Variants in BZW1 observed in about 807,000 individuals in gnomAD.
The protein encoded by BZW1 is basic leucine zipper and W2 domains 1.
BZW1 carries 3 observed loss-of-function variants against 54.1 expected under a neutral mutation model. The ratio of observed to expected loss-of-function variants is 0.06; its 90% CI spans 0.03 to 0.14. BZW1 has a LOEUF of 0.14. BZW1 is among the 10% of genes least tolerant of loss of function. The probability of loss-of-function intolerance (pLI) is 1.00; values close to 1 mark genes in which losing one functional copy is unlikely to be tolerated. For missense variants in BZW1, 206 were observed against 491.7 expected (o/e 0.42, Z 5.50); for synonymous variants, 152 against 162.7 (o/e 0.93, Z 0.50).
Position 200,817,093 on chromosome 2 carries a change from T to G in BZW1, c.403-13T>G, listed in dbSNP as rs1182348805. 1.2e-6 allele frequency: 2 copies of G among 1,612,740 alleles called. No individual in the cohort carries two copies. The highest frequency in any genetic ancestry group is 1.7e-6 in the Non-Finnish European group (2 of 1,179,484). ...GTTGCTGTTTTAACCCTTAATTGTT[T>G]TACTTTTTACAGCTGCTGCTGTTCT... On this transcript the variant is annotated splice_polypyrimidine_tract_variant and intron_variant, in intron 5 of 11. Coordinates refer to ENST00000409600, the MANE Select transcript of BZW1 (RefSeq NM_001207067.2).
intron 2 of BZW1, among the ~76,000 whole-genome samples, chr2:200,813,675 A>G (rs1014085530): frequency 6.6e-6 from 1 of 152,216 alleles, no homozygotes; most frequent in Non-Finnish European, 1.5e-5. Flanking sequence ...TGTGAGAGAA[A>G]ACTCAGACTT....
intron 8 of BZW1, 62 bp downstream of exon 8, chr2:200,818,455 T>C (rs1048238877): frequency 3.9e-6 from 6 of 1,524,418 alleles, no homozygotes; most frequent in Admixed American, 2.1e-5. Context: ...TTTTCACTAA[T>C]TTGAGGAACT....
At chr2:200,819,518 C>T (rs2038426666) in intron 9 of BZW1, among the ~76,000 whole-genome samples, 1 of 151,520 alleles carries the variant, frequency 6.6e-6, no homozygotes, top group African/African-American at 2.4e-5. Flanking sequence ...ACTTGGACTA[C>T]TTGGTATAGT....
chr2:200,817,108 G>C lies in BZW1; in HGVS notation c.405G>C (p.Leu135=), dbSNP rs771398213. ...EKGFEDEVKK[L]LLFLKGFSES... is the part of the protein sequence containing the mutation. The stretch of plus-strand genomic sequence containing the variant: ...CTTAATTGTTTTACTTTTTACAGCT[G>C]CTGCTGTTCTTGAAGGGTTTTTCAG... Residue 135 remains leucine, a splice_region_variant and synonymous_variant, in exon 6 of 12, where the codon CTG becomes CTC. Transcript: ENST00000409600. 1.2e-5 allele frequency: 20 copies of C among 1,613,530 alleles called. No homozygotes were observed. The highest frequency in any genetic ancestry group is 6.7e-5 in the Admixed American group (4 of 59,984).
At chr2:200,819,673 T>G (rs1053351313) in intron 9 of BZW1, among the ~76,000 whole-genome samples, 2 of 151,586 alleles carry the variant, frequency 1.3e-5, no homozygotes, top group African/African-American at 4.8e-5. Context: ...CAGTTCTGCC[T>G]CCTCGGCCTC....
At chr2:200,822,040 G>C in intron 11 of BZW1, 107 bp from the exon 12 acceptor site, 1 of 1,065,504 alleles carries the variant, frequency 9.4e-7, no homozygotes, top group Non-Finnish European at 1.4e-6. Context: ...CTGCATTCCG[G>C]CCTGTGGGAC....
At position 200,818,739 on chromosome 2, in the gene BZW1, T is replaced by C; in HGVS notation, c.820-16T>C. The C allele has an allele frequency of 1.3e-6, 2 of 1,572,994 alleles. No homozygotes were observed. The highest frequency in any genetic ancestry group is 8.6e-7 in the Non-Finnish European group (1 of 1,168,928). On this transcript the variant is annotated splice_polypyrimidine_tract_variant and intron_variant, in intron 8 of 11. Coordinates refer to ENST00000409600, the MANE Select transcript of BZW1 (RefSeq NM_001207067.2). ...TCAAAACTGACTTCTGTTACTAAAT[T>C]TGGATTCATTTGCAGATAATTTTAT...
chr2:200,816,059 G>T (rs2038275650), intron 4 of BZW1, among the ~76,000 whole-genome samples: 1 of 152,162 alleles, frequency 6.6e-6, no homozygotes, highest in African/African-American at 2.4e-5. Flanking sequence ...TAGTTTATCT[G>T]CATACATTTA....
At chr2:200,820,179 A>G in intron 10 of BZW1, 59 bp downstream of exon 10, 1 of 1,365,018 alleles carries the variant, frequency 7.3e-7, no homozygotes, top group Non-Finnish European at 9.8e-7. Flanking sequence ...TAAACACAAA[A>G]TTATCCAAAT....
chr2:200,816,525 CTG>C (rs1479824928), intron 5 of BZW1, 135 bp downstream of exon 5: 4 of 542,688 alleles, frequency 7.4e-6, no homozygotes, highest in Non-Finnish European at 1.2e-5. Flanking sequence ...GAGCCTCACT[CTG>C]TGTCCCAGGC....
intron 2 of BZW1, among the ~76,000 whole-genome samples, chr2:200,814,629 T>C (rs2038220125): frequency 6.6e-6 from 1 of 152,226 alleles, no homozygotes; most frequent in African/African-American, 2.4e-5. Context: ...GTACTATTCT[T>C]ATCCCCATTT....
In BZW1 at chr2:200,813,190, T is replaced by TTATTTCTCCTTTCC; in HGVS notation, c.-10-15_-10-2dup. 1 of 1,605,742 alleles carries TTATTTCTCCTTTCC rather than the reference T, an allele frequency of 6.2e-7. No individual in the cohort carries two copies. The highest frequency in any genetic ancestry group is 8.5e-7 in the Non-Finnish European group (1 of 1,173,476). ...GTATTATGGCACTGATATTAAGGCT[T>TTATTTCTCCTTTCC]TATTTCTCCTTTCCTAGGGTGTCTT... is the stretch of plus-strand genomic sequence containing the variant. On this transcript the variant is annotated splice_polypyrimidine_tract_variant and intron_variant, in intron 1 of 11. Transcript: ENST00000409600.
intron 1 of BZW1, chr2:200,812,240 GC>G: frequency 8.1e-7 from 1 of 1,229,462 alleles, no homozygotes; most frequent in Non-Finnish European, 1.0e-6. Flanking sequence ...GAAGGCAGTG[GC>G]CGAGGCGGGC....
At position 200,818,098 on chromosome 2, in the gene BZW1, T is replaced by C; in HGVS notation, c.648+15T>C. ...ACAGACTGATGGTTGGTAACTTTTT[T>C]TCATTCTTCCCATTCTTGCCAAGGA... On this transcript the variant is annotated intron_variant, in intron 7 of 11. Coordinates refer to ENST00000409600, the MANE Select transcript of BZW1 (RefSeq NM_001207067.2). The C allele has an allele frequency of 6.5e-7, 1 of 1,540,674 alleles. No homozygotes were observed. The highest frequency in any genetic ancestry group is 8.8e-7 in the Non-Finnish European group (1 of 1,139,712).
intron 11 of BZW1, among the ~76,000 whole-genome samples, chr2:200,821,582 AGAGACAG>A (rs2038515357): frequency 6.6e-6 from 1 of 151,858 alleles, no homozygotes; most frequent in Non-Finnish European, 1.5e-5. Context: ...TTAAAAATAT[AGAGACAG>A]AGTCTCACTA....
chr2:200,814,947 A>AT (rs955985663), intron 2 of BZW1, among the ~76,000 whole-genome samples: 13 of 152,174 alleles, frequency 8.5e-5, no homozygotes, highest in African/African-American at 2.9e-4. Context: ...GATTGGTTCA[A>AT]TTTTTTTGTT....
chr2:200,820,216 T>C, intron 10 of BZW1, 96 bp downstream of exon 10: 4 of 1,140,986 alleles, frequency 3.5e-6, no homozygotes, highest in Non-Finnish European at 3.6e-6. Flanking sequence ...ATCAGCTCCC[T>C]GAAATATTTT....
chr2:200,821,587 C>CA (rs2038515707), intron 11 of BZW1, among the ~76,000 whole-genome samples: 1 of 150,824 alleles, frequency 6.6e-6, no homozygotes, highest in South Asian at 2.1e-4. Flanking sequence ...AATATAGAGA[C>CA]AGAGTCTCAC....
chr2:200,818,891 A>G lies in BZW1; in HGVS notation c.956A>G (p.Lys319Arg). The G allele has an allele frequency of 6.3e-7, 1 of 1,587,430 alleles. No individual in the cohort carries two copies. Among genetic ancestry groups the G allele is most frequent in the Non-Finnish European group, 8.5e-7 (1 of 1,170,190 alleles). ...KEELVAEQAI[K>R]HLKQYSPLLA... Reference sequence around the variant, plus strand: ...GAGCTTGTAGCAGAGCAAGCCATCAAGCACTTGAAGGTATTAGAACTATGC... The same window carrying G: ...GAGCTTGTAGCAGAGCAAGCCATCAGGCACTTGAAGGTATTAGAACTATGC... The change falls in exon 9 of 12, where the codon AAG (lysine) becomes AGG (arginine). Residue 319 changes from lysine to arginine, a missense_variant. Around this residue, in one of 5 missense-constraint regions of BZW1, gnomAD observed 60 missense variants for 151.8 expected, o/e 0.40. Transcript: ENST00000409600.
Sources: allele counts gnomAD v4.1 joint callset (sites outside exome capture counted in the v4.1 genomes callset), GRCh38; gene constraint gnomAD v4.1.1; regional missense constraint gnomAD v4.1.1; transcripts MANE v1.5; gene names NCBI Gene and HGNC (gene_info 2026-07-23, HGNC 2026-07-21).